Variants in KLRG1 observed in about 807,000 individuals in gnomAD.
The protein encoded by KLRG1 is killer cell lectin-like receptor subfamily G member 1.
KLRG1 carries 16 observed loss-of-function variants against 21.8 expected under a neutral mutation model. The observed-to-expected ratio is 0.73, with a 90% CI of 0.50 to 1.11. The LOEUF is 1.11. KLRG1 is among the 50% of genes most tolerant of loss of function. The pLI, the probability that KLRG1 is intolerant of heterozygous loss-of-function variation, is 0.00. For missense variants in KLRG1, 173 were observed against 218.3 expected (o/e 0.79, Z 1.31); for synonymous variants, 69 against 75.9 (o/e 0.91, Z 0.47).
chr12:9,136,142 G>A, the KLRG1 span, among the ~76,000 whole-genome samples: 3 of 152,186 alleles, frequency 2.0e-5, no homozygotes, highest in Non-Finnish European at 4.4e-5. Context: ...CTTGAAAGTA[G>A]CAAGTGACCA....
the KLRG1 span, chr12:9,169,045 A>G: frequency 8.9e-7 from 1 of 1,129,718 alleles, no homozygotes. Context: ...ATCCTTAGAG[A>G]CTTCTCTATG....
At chr12:9,133,984 G>A in the KLRG1 span, among the ~76,000 whole-genome samples, 8 of 152,272 alleles carry the variant, frequency 5.3e-5, no homozygotes, top group South Asian at 8.3e-4. Flanking sequence ...AAGAAAAACA[G>A]AAAAGTGTTA....
the KLRG1 span, among the ~76,000 whole-genome samples, chr12:9,021,562 A>G: frequency 0.31 from 47,276 of 151,382 alleles, 7,446 homozygotes; most frequent in Admixed American, 0.37. Flanking sequence ...CACCATACCC[A>G]GCTAATTTTT....
the KLRG1 span, chr12:9,068,628 T>C: frequency 1.1e-6 from 1 of 873,394 alleles, no homozygotes; most frequent in Non-Finnish European, 1.8e-6. Flanking sequence ...GGAGACAAAA[T>C]GAAGTGATAA....
chr12:8,991,373 C>G (rs1946962632), intron 1 of KLRG1, among the ~76,000 whole-genome samples: 1 of 152,166 alleles, frequency 6.6e-6, no homozygotes, highest in Non-Finnish European at 1.5e-5. Context: ...TTAATAACGA[C>G]AGTTTACAAA....
At chr12:9,161,245 G>C in the KLRG1 span, 37 of 706,026 alleles carry the variant, frequency 5.2e-5, no homozygotes, top group Middle Eastern at 5.0e-4. Context: ...TTGTGACCTT[G>C]GGTAAATTGT....
the KLRG1 span, among the ~76,000 whole-genome samples, chr12:9,183,633 T>C: frequency 6.6e-6 from 1 of 152,098 alleles, no homozygotes; most frequent in Non-Finnish European, 1.5e-5. Context: ...AACTCCTCGG[T>C]TCAAGCAATC....
At chr12:8,996,686 T>C (rs1298619595) in intron 3 of KLRG1, 1 of 152,236 alleles carries the variant, frequency 6.6e-6, no homozygotes, top group Admixed American at 6.5e-5. Flanking sequence ...GACTAACTTT[T>C]TTTTTTAAAG....
the KLRG1 span, chr12:9,104,533 A>AC: frequency 1.1e-6 from 1 of 919,706 alleles, no homozygotes; most frequent in Non-Finnish European, 1.6e-6. Context: ...AGCAGTGAAA[A>AC]AAAACGAAGT....
At chr12:9,204,779 G>T in the KLRG1 span, among the ~76,000 whole-genome samples, 1 of 152,040 alleles carries the variant, frequency 6.6e-6, no homozygotes, top group Non-Finnish European at 1.5e-5. Context: ...GGGTGGATAG[G>T]TTATCTTTTC....
At chr12:9,208,067 C>T in the KLRG1 span, among the ~76,000 whole-genome samples, 2 of 151,752 alleles carry the variant, frequency 1.3e-5, no homozygotes, top group East Asian at 3.9e-4. Flanking sequence ...TCTGATTGGC[C>T]CAGTGTAGAA....
chr12:9,157,166 T>C, the KLRG1 span: 2 of 1,610,666 alleles, frequency 1.2e-6, no homozygotes, highest in African/African-American at 2.7e-5. Flanking sequence ...CACTTATAAG[T>C]GCTCTCACCT....
chr12:8,971,023 T>C lies in KLRG1; in HGVS notation c.-156+20787T>C, dbSNP rs774984784. 3.9e-5 allele frequency: 6 copies of C among 152,320 alleles called. No individual in the cohort carries two copies. In the South Asian group the frequency reaches 1.2e-3, roughly 32 times the overall value. The allele number at this position is 152,320 out of a possible 1,614,324, so 9.4% of individuals were successfully genotyped here. On this transcript the variant is annotated intron_variant, in intron 1 of 4. Transcript: ENST00000539240. ...ATATTTTGTTAAAGATTTTCATGTC[T>C]ATAATCTTGAAGGCGGAGCGTCTGT...
chr12:9,040,608 C>T, the KLRG1 span, among the ~76,000 whole-genome samples: 3 of 152,132 alleles, frequency 2.0e-5, no homozygotes, highest in Non-Finnish European at 4.4e-5. Flanking sequence ...GAATGTAATT[C>T]TTCTGAATCA....
chr12:9,051,978 G>A, the KLRG1 span, among the ~76,000 whole-genome samples: 1 of 152,194 alleles, frequency 6.6e-6, no homozygotes, highest in Non-Finnish European at 1.5e-5. Context: ...ATGCACGAAG[G>A]TGGCATTCTC....
the KLRG1 span, chr12:9,109,947 G>A: frequency 1.2e-6 from 2 of 1,613,878 alleles, no homozygotes; most frequent in African/African-American, 1.3e-5. Context: ...GCCCTGGAAG[G>A]GCTCTGATGA....
At chr12:9,013,973 C>T (rs982985921), downstream of KLRG1, among the ~76,000 whole-genome samples, 7 of 152,086 alleles carry the variant, frequency 4.6e-5, no homozygotes, top group African/African-American at 1.4e-4. Context: ...AGTTGACTTA[C>T]TGAAGAATGC....
chr12:9,024,058 T>C, the KLRG1 span, among the ~76,000 whole-genome samples: 1 of 126,846 alleles, frequency 7.9e-6, no homozygotes. Flanking sequence ...AGCCAGAGTC[T>C]CTCTCTATTG....
chr12:9,031,867 G>A, the KLRG1 span, among the ~76,000 whole-genome samples: 3 of 152,180 alleles, frequency 2.0e-5, no homozygotes, highest in Non-Finnish European at 4.4e-5. Flanking sequence ...ATTTCCTAGT[G>A]CTGCCCTGAC....
Sources: gnomAD v4.1 joint callset for allele counts (sites outside exome capture counted in the v4.1 genomes callset) on GRCh38, gnomAD v4.1.1 for gene constraint, MANE v1.5 for transcripts, NCBI Gene and HGNC (gene_info 2026-07-23, HGNC 2026-07-21) for gene names.